Variants in CLNK observed in about 807,000 individuals in gnomAD.
The protein encoded by CLNK is cytokine dependent hematopoietic cell linker, also known as cytokine-dependent hematopoietic cell linker.
In CLNK, 74 loss-of-function variants were observed where a neutral mutation model predicts 68.6. The observed-to-expected ratio is 1.08, with a 90% CI of 0.89 to 1.31. CLNK has a LOEUF of 1.31. Ranked by LOEUF, CLNK falls within the 50% of genes most tolerant of loss-of-function variation. CLNK has a pLI of 0.00. For missense variants in CLNK, 553 were observed against 515.3 expected (o/e 1.07, Z -0.71); for synonymous variants, 198 against 172.2 (o/e 1.15, Z -1.17).
At chr4:10,713,843 CAT>C in the CLNK span, among the ~76,000 whole-genome samples, 1 of 152,194 alleles carries the variant, frequency 6.6e-6, no homozygotes, top group Non-Finnish European at 1.5e-5. Context: ...CCTGAAGAAT[CAT>C]GTGCCAAATA....
intron 5 of CLNK, among the ~76,000 whole-genome samples, chr4:10,568,146 T>A (rs1720196786): frequency 6.6e-6 from 1 of 152,252 alleles, no homozygotes; most frequent in South Asian, 2.1e-4. Flanking sequence ...ATCCATGAAC[T>A]ACTGCATAGG....
intron 17 of CLNK, among the ~76,000 whole-genome samples, 181 bp from the exon 18 acceptor site, chr4:10,501,592 G>A (rs1717052927): frequency 1.3e-5 from 2 of 152,196 alleles, no homozygotes. Flanking sequence ...GTCACTTTCT[G>A]AGATGTGTAC....
At chr4:10,723,919 A>AGAGACAGAGAGAGAG in the CLNK span, among the ~76,000 whole-genome samples, 4 of 148,122 alleles carry the variant, frequency 2.7e-5, no homozygotes, top group Non-Finnish European at 4.5e-5. Flanking sequence ...AGAGAGAGAG[A>AGAGACAGAGAGAGAG]AGGCAGGGCA....
chr4:10,709,472 G>A, the CLNK span, among the ~76,000 whole-genome samples: 2 of 152,176 alleles, frequency 1.3e-5, no homozygotes, highest in Non-Finnish European at 2.9e-5. Context: ...TAATTTCAAT[G>A]AGTCTTTCTG....
At chr4:10,678,964 A>G (rs2108901891) in intron 1 of CLNK, among the ~76,000 whole-genome samples, 1 of 152,336 alleles carries the variant, frequency 6.6e-6, no homozygotes, top group African/African-American at 2.4e-5. Flanking sequence ...ATTCAATGCC[A>G]TCCCCATCAA....
intron 2 of CLNK, among the ~76,000 whole-genome samples, chr4:10,602,140 T>A (rs1364763087): frequency 6.6e-6 from 1 of 152,234 alleles, no homozygotes; most frequent in Non-Finnish European, 1.5e-5. Context: ...CCCTCCTGCA[T>A]GACCAGTCAA....
chr4:10,705,110 T>G, the CLNK span, among the ~76,000 whole-genome samples: 1 of 152,204 alleles, frequency 6.6e-6, no homozygotes, highest in African/African-American at 2.4e-5. Flanking sequence ...AGAATTTATC[T>G]GAGGGCTCAT....
At position 10,610,054 on chromosome 4, in the gene CLNK, T is replaced by G. The variant is rs1163136927; in HGVS notation, c.12-12005A>C. Reference sequence around the variant, plus strand: ...GCTCGTTTTTTTTTTTTTTTTTTTTTTTTTTTTTTTTTTTTTTTTTGAGAC... The same window carrying G: ...GCTCGTTTTTTTTTTTTTTTTTTTTGTTTTTTTTTTTTTTTTTTTTGAGAC... On this transcript the variant is annotated intron_variant, in intron 2 of 18. Transcript: ENST00000226951. 9.9e-4 allele frequency among the ~76,000 whole-genome samples: 118 copies of G among 118,710 alleles called. 3 individuals are homozygous for G. The highest frequency in any genetic ancestry group is 1.9e-3 in the Non-Finnish European group (112 of 57,586). 77.9% of individuals were successfully genotyped at this position (118,710 alleles called of 152,430 possible).
intron 2 of CLNK, chr4:10,636,028 C>T (rs574356877): frequency 4.6e-5 from 7 of 152,248 alleles, no homozygotes; most frequent in Admixed American, 6.5e-5. Flanking sequence ...TCAAAATAGA[C>T]GATCTATGAT....
intron 2 of CLNK, among the ~76,000 whole-genome samples, chr4:10,612,067 T>C (rs1204862349): frequency 6.6e-6 from 1 of 152,238 alleles, no homozygotes; most frequent in Non-Finnish European, 1.5e-5. Context: ...AAAAGGTGCA[T>C]AGGTGAACAT....
At chr4:10,690,014 T>C in the CLNK span, among the ~76,000 whole-genome samples, 3 of 152,106 alleles carry the variant, frequency 2.0e-5, no homozygotes, top group Admixed American at 6.5e-5. Flanking sequence ...GGAATCTCCA[T>C]GTGAGCTGAA....
At chr4:10,610,688 T>C (rs1389411110) in intron 2 of CLNK, among the ~76,000 whole-genome samples, 2 of 152,046 alleles carry the variant, frequency 1.3e-5, no homozygotes, top group East Asian at 1.9e-4. Context: ...TATAGGTCCA[T>C]AGACGTGTTC....
At chr4:10,539,476 T>C (rs755155614) in intron 11 of CLNK, among the ~76,000 whole-genome samples, 1 of 152,248 alleles carries the variant, frequency 6.6e-6, no homozygotes, top group Non-Finnish European at 1.5e-5. Flanking sequence ...AAACTGCTGA[T>C]GCAAGCTTGA....
intron 8 of CLNK, among the ~76,000 whole-genome samples, chr4:10,555,086 A>C (rs1719610970): frequency 6.6e-6 from 1 of 152,212 alleles, no homozygotes; most frequent in Non-Finnish European, 1.5e-5. Flanking sequence ...TCAGCATCTA[A>C]ACTCGTCTAA....
the CLNK span, among the ~76,000 whole-genome samples, chr4:10,712,315 G>A: frequency 1.3e-5 from 2 of 152,048 alleles, no homozygotes; most frequent in Non-Finnish European, 2.9e-5. Context: ...GATCAGGGGT[G>A]GGGTGGTGGT....
chr4:10,624,097 A>C (rs925588816), intron 2 of CLNK, among the ~76,000 whole-genome samples: 1 of 152,258 alleles, frequency 6.6e-6, no homozygotes, highest in East Asian at 1.9e-4. Context: ...GTGGAAAAGC[A>C]AATAGCCCGA....
At chr4:10,712,122 T>A in the CLNK span, among the ~76,000 whole-genome samples, 1 of 152,162 alleles carries the variant, frequency 6.6e-6, no homozygotes, top group Non-Finnish European at 1.5e-5. Context: ...TAAGGAGAAT[T>A]TTTTTGAATA....
chr4:10,674,007 A>G (rs577187078), intron 1 of CLNK, among the ~76,000 whole-genome samples: 6 of 152,348 alleles, frequency 3.9e-5, no homozygotes, highest in East Asian at 1.9e-4. Context: ...AAGCCCATGC[A>G]TAGCTCTCTC....
chr4:10,509,965 C>A (rs548896705), intron 16 of CLNK, among the ~76,000 whole-genome samples: 63 of 152,322 alleles, frequency 4.1e-4, no homozygotes, highest in African/African-American at 1.5e-3. Context: ...CTTGGAGCCC[C>A]ATCTCCTGAC....
Sources: gnomAD v4.1 joint callset for allele counts (sites outside exome capture counted in the v4.1 genomes callset) on GRCh38, gnomAD v4.1.1 for gene constraint, MANE v1.5 for transcripts, NCBI Gene and HGNC (gene_info 2026-07-23, HGNC 2026-07-21) for gene names.